TAFA1: variants seen among roughly 807,000 people sequenced by gnomAD.
TAFA1 encodes TAFA chemokine like family member 1.
TAFA1 carries 4 observed loss-of-function variants against 18.5 expected under a neutral mutation model. The ratio of observed to expected loss-of-function variants is 0.22; its 90% CI spans 0.11 to 0.49. The LOEUF (loss-of-function observed/expected upper bound fraction) is 0.49. Ranked by LOEUF, TAFA1 falls within the 20% of genes least tolerant of loss-of-function variation. The pLI, the probability that TAFA1 is intolerant of heterozygous loss-of-function variation, is 0.98. For synonymous variants in TAFA1, 56 were observed against 55.2 expected (o/e 1.01, Z -0.06); for missense variants, 147 against 169.0 (o/e 0.87, Z 0.72).
intron 3 of TAFA1, among the ~76,000 whole-genome samples, chr3:68,499,682 A>G (rs1240927619): frequency 6.6e-6 from 1 of 151,898 alleles, no homozygotes; most frequent in Non-Finnish European, 1.5e-5. Context: ...ATTATTTGAT[A>G]AAACCCCATT....
intron 2 of TAFA1, among the ~76,000 whole-genome samples, chr3:68,393,866 AAAT>A (rs1383944998): frequency 3.9e-5 from 6 of 152,162 alleles, no homozygotes. Flanking sequence ...ATGTATCTCA[AAAT>A]AATAAGAGCT....
chr3:68,088,035 A>G (rs961071257), intron 2 of TAFA1, among the ~76,000 whole-genome samples: 7 of 152,214 alleles, frequency 4.6e-5, no homozygotes, highest in African/African-American at 1.7e-4. Context: ...ATAAAACAAG[A>G]TCATTTACAT....
intron 2 of TAFA1, among the ~76,000 whole-genome samples, chr3:68,386,355 G>A (rs1218898385): frequency 6.6e-6 from 1 of 152,062 alleles, no homozygotes; most frequent in Non-Finnish European, 1.5e-5. Flanking sequence ...AGGTTAGATT[G>A]TTCTCTGGTG....
intron 2 of TAFA1, among the ~76,000 whole-genome samples, chr3:68,170,699 G>A (rs572027649): frequency 6.1e-4 from 93 of 152,192 alleles, no homozygotes; most frequent in African/African-American, 7.9e-4. Context: ...GTAAACTACT[G>A]GAGCATTGGA....
rs1447372770 is a variant in TAFA1 at position 68,198,312 on chromosome 3, T to C, written c.118+191568T>C. 5.3e-5 allele frequency among the ~76,000 whole-genome samples: 8 copies of C among 151,688 alleles called. No homozygotes were observed. In the East Asian group the frequency reaches 1.4e-3, roughly 26 times the overall value. ...TTCATTGCTTCCAAATTTTGGTAAT[T>C]ATGAATAAAATTACTGTAAATGTGT... On this transcript the variant is annotated intron_variant, in intron 2 of 4. Transcript: ENST00000478136.
intron 2 of TAFA1, among the ~76,000 whole-genome samples, chr3:68,277,516 C>T (rs1015252958): frequency 2.0e-5 from 3 of 152,114 alleles, no homozygotes; most frequent in African/African-American, 7.2e-5. Flanking sequence ...AAGGCAGGTG[C>T]TCCCCGAATC....
chr3:68,473,370 T>G (rs1224756162), intron 3 of TAFA1, among the ~76,000 whole-genome samples: 1 of 152,202 alleles, frequency 6.6e-6, no homozygotes, highest in South Asian at 2.1e-4. Context: ...TGTGAATTGA[T>G]GACAGACAAT....
intron 2 of TAFA1, among the ~76,000 whole-genome samples, chr3:68,168,545 TA>T (rs1383140813): frequency 6.6e-6 from 1 of 152,260 alleles, no homozygotes; most frequent in African/African-American, 2.4e-5. Flanking sequence ...TATTCCAGTC[TA>T]GGAGTTGAAA....
At chr3:68,361,505 G>A (rs1219392672) in intron 2 of TAFA1, among the ~76,000 whole-genome samples, 1 of 151,946 alleles carries the variant, frequency 6.6e-6, no homozygotes, top group Non-Finnish European at 1.5e-5. Context: ...AGTGTTATGG[G>A]CTCATAGAGA....
chr3:68,033,935 G>A (rs1409178997), intron 2 of TAFA1, among the ~76,000 whole-genome samples: 1 of 152,114 alleles, frequency 6.6e-6, no homozygotes, highest in Admixed American at 6.6e-5. Flanking sequence ...GAAGAAATAT[G>A]GACAGGTTAC....
chr3:68,362,458 A>G (rs1005972523), intron 2 of TAFA1, among the ~76,000 whole-genome samples: 2 of 152,180 alleles, frequency 1.3e-5, no homozygotes, highest in African/African-American at 2.4e-5. Flanking sequence ...GGCAAAAACT[A>G]CAGAGAATCA....
intron 2 of TAFA1, among the ~76,000 whole-genome samples, chr3:68,241,644 C>T (rs541928422): frequency 3.1e-4 from 47 of 152,248 alleles, no homozygotes; most frequent in Non-Finnish European, 5.3e-4. Flanking sequence ...TGAATTGGAT[C>T]ATCAGTTTTC....
At chr3:68,468,181 G>T (rs2071926447) in intron 3 of TAFA1, among the ~76,000 whole-genome samples, 1 of 152,092 alleles carries the variant, frequency 6.6e-6, no homozygotes, top group Non-Finnish European at 1.5e-5. Context: ...CTATTTTAAG[G>T]ATATGCATCT....
intron 3 of TAFA1, among the ~76,000 whole-genome samples, chr3:68,456,440 T>G (rs995846855): frequency 7.2e-5 from 11 of 152,154 alleles, no homozygotes; most frequent in Admixed American, 3.3e-4. Context: ...AAAATTTGTT[T>G]AACAGCATCT....
intron 2 of TAFA1, among the ~76,000 whole-genome samples, chr3:68,280,512 A>G (rs2067879391): frequency 6.6e-6 from 1 of 152,170 alleles, no homozygotes; most frequent in South Asian, 2.1e-4. Context: ...GCAGGATATC[A>G]TATGGTTAAA....
intron 3 of TAFA1, among the ~76,000 whole-genome samples, chr3:68,429,923 G>C (rs757178155): frequency 1.3e-5 from 2 of 151,772 alleles, no homozygotes; most frequent in Non-Finnish European, 2.9e-5. Context: ...TTGTTGACTT[G>C]TTATCTCCTT....
chr3:68,320,886 G>C (rs551350655), intron 2 of TAFA1, among the ~76,000 whole-genome samples: 2 of 152,306 alleles, frequency 1.3e-5, no homozygotes, highest in Middle Eastern at 6.8e-3. Flanking sequence ...CAGTCAGATA[G>C]ACTCCCTCTT....
chr3:68,380,730 T>C (rs1231603577), intron 2 of TAFA1, among the ~76,000 whole-genome samples: 190 of 151,020 alleles, frequency 1.3e-3, no homozygotes, highest in African/African-American at 4.5e-3. Context: ...GCCTGTTCAC[T>C]CTGACAGTAG....
chr3:67,999,305 A>ATGTG, upstream of TAFA1, among the ~76,000 whole-genome samples: 1 of 31,798 alleles, frequency 3.1e-5, no homozygotes, highest in South Asian at 1.4e-3. Flanking sequence ...GTGTGTGTGT[A>ATGTG]TGTGTGTGTC....
Sources: gnomAD v4.1 joint callset for allele counts (sites outside exome capture counted in the v4.1 genomes callset) on GRCh38, gnomAD v4.1.1 for gene constraint, MANE v1.5 for transcripts, NCBI Gene and HGNC (gene_info 2026-07-23, HGNC 2026-07-21) for gene names.